PHKA1: variants seen among roughly 807,000 people sequenced by gnomAD.
PHKA1 encodes the protein phosphorylase kinase regulatory subunit alpha 1.
A neutral mutation model predicts 110.2 loss-of-function variants in PHKA1; 60 were observed. That is an observed-to-expected ratio of 0.54 (90% CI 0.44 to 0.68). The LOEUF is 0.68. PHKA1 is among the 30% of genes least tolerant of loss of function. The pLI is 0.00. For missense variants in PHKA1, 801 were observed against 942.5 expected (o/e 0.85, Z 1.97); for synonymous variants, 316 against 333.6 (o/e 0.95, Z 0.58).
intron 29 of PHKA1, 69 bp from the exon 30 acceptor site, chrX:72,584,371 C>T: frequency 1.0e-6 from 1 of 960,030 alleles, no homozygotes; most frequent in Non-Finnish European, 1.5e-6. Context: ...AACGGGGAGG[C>T]TATGAGGAGA....
rs1223746666 is a variant in PHKA1, at chrX:72,584,175, A to G, written c.3297+74T>C. On this transcript the variant is annotated intron_variant, in intron 30 of 31. Transcript: ENST00000373542. ...AAAAGCATGGATCTGTCACTTTGAAAAGTAAGTGATCACTGGGATACTTTA... is the reference window on the plus strand; with the variant it reads ...AAAAGCATGGATCTGTCACTTTGAAGAGTAAGTGATCACTGGGATACTTTA... The G allele has an allele frequency of 7.2e-6, 6 of 831,479 alleles. No homozygotes were observed. In the East Asian group the frequency reaches 1.9e-4, roughly 26 times the overall value. 68.5% of individuals were successfully genotyped at this position (831,479 alleles called of 1,213,427 possible). A position where few individuals can be genotyped will look rare whatever the true frequency, so the allele number is the denominator to read the frequency against.
chrX:72,683,628 A>G (rs1556317833), intron 5 of PHKA1, among the ~76,000 whole-genome samples: 1 of 112,131 alleles, frequency 8.9e-6, no homozygotes, highest in Admixed American at 9.4e-5. Context: ...CTCTTCTGTA[A>G]TTTATCTCTC....
intron 16 of PHKA1, among the ~76,000 whole-genome samples, chrX:72,627,964 C>A (rs2053107104): frequency 9.2e-6 from 1 of 108,733 alleles, no homozygotes; most frequent in African/African-American, 3.4e-5. Context: ...ACTACAGGCG[C>A]CCGCCACCAC....
At chrX:72,658,950 C>A (rs1276318199) in intron 8 of PHKA1, among the ~76,000 whole-genome samples, 1 of 112,034 alleles carries the variant, frequency 8.9e-6, no homozygotes, top group African/African-American at 3.2e-5. Flanking sequence ...CGAACACCTT[C>A]GTTATGCTTA....
intron 31 of PHKA1, among the ~76,000 whole-genome samples, chrX:72,581,840 T>A (rs1245387166): frequency 8.9e-6 from 1 of 112,450 alleles, no homozygotes; most frequent in African/African-American, 3.2e-5. Flanking sequence ...TATGTGCTCC[T>A]ACTGTTAATA....
chrX:72,671,403 A>G lies in PHKA1; in HGVS notation c.619-3930T>C, dbSNP rs1556309069. On this transcript the variant is annotated intron_variant, in intron 6 of 31. Coordinates refer to ENST00000373542, the MANE Select transcript of PHKA1 (RefSeq NM_002637.4). ...AGGGATGTGAAGGACCTCTTCAAGG[A>G]GAACTACAAACCACTACTCAATGAA... 2.7e-5 allele frequency among the ~76,000 whole-genome samples: 3 copies of G among 111,319 alleles called. No individual in the cohort carries two copies. In the East Asian group the frequency reaches 8.4e-4, roughly 31 times the overall value.
At chrX:72,686,657 G>T (rs1556318946) in intron 4 of PHKA1, among the ~76,000 whole-genome samples, 1 of 111,850 alleles carries the variant, frequency 8.9e-6, no homozygotes, top group African/African-American at 3.2e-5. Context: ...ACCCAAAGAT[G>T]TATGCATATT....
intron 12 of PHKA1, 114 bp downstream of exon 12, chrX:72,652,430 G>A (rs2053441449): frequency 1.8e-6 from 1 of 540,789 alleles, no homozygotes; most frequent in Admixed American, 2.7e-5. Context: ...TATAATTAAG[G>A]CAAAGTGCAA....
At chrX:72,607,788 C>T (rs1479383469) in intron 23 of PHKA1, among the ~76,000 whole-genome samples, 2 of 111,580 alleles carry the variant, frequency 1.8e-5, no homozygotes, top group Non-Finnish European at 3.8e-5. Context: ...CTCAATTGGT[C>T]GTTGTCAACT....
intron 17 of PHKA1, among the ~76,000 whole-genome samples, chrX:72,626,632 T>C (rs1556283023): frequency 9.0e-6 from 1 of 111,710 alleles, no homozygotes; most frequent in Non-Finnish European, 1.9e-5. Context: ...CTTATATATA[T>C]ACTGTGTTTT....
At chrX:72,685,698 G>A (rs1054304058) in intron 4 of PHKA1, among the ~76,000 whole-genome samples, 16 of 111,400 alleles carry the variant, frequency 1.4e-4, no homozygotes, top group Non-Finnish European at 3.8e-5. Flanking sequence ...GACTTGGTTT[G>A]GACTATTTGA....
chrX:72,627,434 G>T (rs1556283527), intron 16 of PHKA1, among the ~76,000 whole-genome samples: 2 of 112,109 alleles, frequency 1.8e-5, no homozygotes, highest in Admixed American at 9.4e-5. Flanking sequence ...CTCATATAAA[G>T]AACCTTGGCA....
At chrX:72,649,764 C>T (rs907483655) in intron 13 of PHKA1, among the ~76,000 whole-genome samples, 12 of 110,805 alleles carry the variant, frequency 1.1e-4, no homozygotes, top group Non-Finnish European at 2.1e-4. Flanking sequence ...GAGGCCGAGA[C>T]AGGCAGATCA....
In PHKA1 at chrX:72,618,774, G is replaced by C. The variant is rs2052933944; in HGVS notation, c.2305C>G (p.Gln769Glu). The C allele has an allele frequency of 8.4e-7, 1 of 1,189,463 alleles. No individual in the cohort carries two copies. The highest frequency in any genetic ancestry group is 1.1e-6 in the Non-Finnish European group (1 of 876,548). The change falls in exon 21 of 32, where the codon CAG becomes GAG. Residue 769 changes from glutamine (Q) to glutamate (E), a missense_variant. Gln to Glu is a conservative substitution (Grantham distance 29). Transcript: ENST00000373542. ...TGTAAGCTTGAGGTCTCCTTCAACT[G>C]TAAAACCAGTGCTTTAAAGTCCACC... Reference protein sequence around the residue: ...GEVDFKALVLQLKETSSLQEQ... With the variant: ...GEVDFKALVLELKETSSLQEQ...
At position 72,622,671 on chromosome X, in the gene PHKA1, C is replaced by T. The variant is rs946848770; in HGVS notation, c.1960+438G>A. On this transcript the variant is annotated intron_variant, in intron 18 of 31. Coordinates refer to ENST00000373542, the MANE Select transcript of PHKA1 (RefSeq NM_002637.4). ...AGGCTTTTTCAAACTACACAGACCT[C>T]CCCAGAGATTCCGATATGCTCCTCT... is the stretch of plus-strand genomic sequence containing the variant. 6.7e-6 allele frequency: 5 copies of T among 741,743 alleles called. No homozygotes were observed. The African/African-American group carries it at 9.3e-5, about 14-fold the overall frequency. 61.1% of individuals were successfully genotyped at this position (741,743 alleles called of 1,213,427 possible).
Position 72,642,339 on chromosome X carries a change from G to A in PHKA1, c.1459+2023C>T, listed in dbSNP as rs782223034. On this transcript the variant is annotated intron_variant, in intron 14 of 31. Transcript: ENST00000373542. ...GAATAATAGATGCAATGAGGCAATGGGTAAAATTAACCTATTAACTTTTGA... is the reference window on the plus strand; with the variant it reads ...GAATAATAGATGCAATGAGGCAATGAGTAAAATTAACCTATTAACTTTTGA... Among the ~76,000 whole-genome samples, 4 of 111,396 alleles carry A rather than the reference G, an allele frequency of 3.6e-5. No individual in the cohort carries two copies. In the South Asian group the frequency reaches 1.5e-3, roughly 42 times the overall value.
chrX:72,670,386 C>T (rs1368243156), intron 6 of PHKA1, among the ~76,000 whole-genome samples: 4 of 111,598 alleles, frequency 3.6e-5, no homozygotes, highest in Non-Finnish European at 7.5e-5. Flanking sequence ...TTAATTAGAT[C>T]CCATTTGTCA....
chrX:72,633,727 A>C (rs1270012463), intron 16 of PHKA1, among the ~76,000 whole-genome samples: 1 of 111,839 alleles, frequency 8.9e-6, no homozygotes, highest in African/African-American at 3.3e-5. Context: ...AATAGTCCCC[A>C]AACATCATTT....
Position 72,627,004 on chromosome X carries a change from C to T in PHKA1, c.1760G>A (p.Arg587Gln), listed in dbSNP as rs782809860. The change falls in exon 17 of 32, where the codon CGA becomes CAA. Residue 587 changes from arginine (R) to glutamine (Q), a missense_variant. Arg to Gln is a conservative substitution (Grantham distance 43, BLOSUM62 1). Transcript: ENST00000373542. ...ACCAAAATACCCATCTTGCATTTTT[C>T]GGAGTGCTGCCAGGATACTTGAATT... ...SLNSSILAAL[R>Q]KMQDGYFGGA... 44 of 1,207,343 alleles carry T rather than the reference C, an allele frequency of 3.6e-5. No individual in the cohort carries two copies. The South Asian group carries it at 4.9e-4, about 14-fold the overall frequency.
Sources: allele counts gnomAD v4.1 joint callset (sites outside exome capture counted in the v4.1 genomes callset), GRCh38; gene constraint gnomAD v4.1.1; transcripts MANE v1.5; gene names NCBI Gene and HGNC (gene_info 2026-07-23, HGNC 2026-07-21).